HRNR: variants seen among roughly 807,000 people sequenced by gnomAD.
The protein encoded by HRNR is hornerin.
Under a neutral mutation model 4.8 loss-of-function variants are expected in HRNR, and 7 were observed. That is an observed-to-expected ratio of 1.47 (90% CI 0.83 to 2.75). The LOEUF is 2.75. Among genes scored for constraint, HRNR ranks in the 30% most tolerant of loss-of-function variants. The pLI is 0.00. For missense variants in HRNR, 2,879 were observed against 3,010.4 expected (o/e 0.96, Z 1.02); for synonymous variants, 1,023 against 1,242.7 (o/e 0.82, Z 3.72).
Position 152,220,162 on chromosome 1 carries a change from G to T in HRNR, c.1467C>A (p.Ser489=). ...ACCTAGAGCCGTGTTGTCCGTGGCC[G>T]GAGGAGTGACCTGAGCCAGATCCAT... ...TQHGSGSGHS[S]GHGQHGSRSG... is the part of the protein sequence containing the mutation. Residue 489 remains serine (S), a synonymous_variant, in exon 3 of 3, where the codon TCC becomes TCA. Transcript: ENST00000368801. 1 of 1,612,420 alleles carries T rather than the reference G, an allele frequency of 6.2e-7. No homozygotes were observed. Among genetic ancestry groups the T allele is most frequent in the Non-Finnish European group, 8.5e-7 (1 of 1,179,180 alleles).
At position 152,212,895 on chromosome 1, in the gene HRNR, G is replaced by A; in HGVS notation, c.*181C>T. The A allele has an allele frequency of 1.2e-6, 1 of 809,146 alleles. No individual in the cohort carries two copies. The highest frequency in any genetic ancestry group is 1.9e-6 in the Non-Finnish European group (1 of 528,936). The allele number at this position is 809,146 out of a possible 1,614,324, so 50.1% of individuals were successfully genotyped here. Reference sequence around the variant, plus strand: ...TAGCACAAATGCCTAACAGTCTTTGGAAGGAACCCCATAACAAGATATATG... The same window carrying A: ...TAGCACAAATGCCTAACAGTCTTTGAAAGGAACCCCATAACAAGATATATG... On this transcript the variant is annotated 3_prime_UTR_variant, in exon 3 of 3. Coordinates refer to ENST00000368801, the MANE Select transcript of HRNR (RefSeq NM_001009931.3).
rs758627272 is a variant in HRNR, at chr1:152,219,488, C to T, written c.2141G>A (p.Ser714Asn). 13 of 1,612,824 alleles carry T rather than the reference C, an allele frequency of 8.1e-6. No homozygotes were observed. In the South Asian group the frequency reaches 1.1e-4, roughly 14 times the overall value. Residue 714 changes from serine to asparagine, a missense_variant, in exon 3 of 3, where the codon AGT becomes AAT. Ser to Asn is a conservative substitution (Grantham distance 46). Coordinates refer to ENST00000368801, the MANE Select transcript of HRNR (RefSeq NM_001009931.3). ...KSGSGQSSGY[S>N]QHGSGSSHSS... ...GTGACTTGAGCCAGATCCATGCTGA[C>T]TGTAACCAGAGGACTGCCCTGAGCC...
Position 152,218,807 on chromosome 1 carries a change from G to A in HRNR, c.2822C>T (p.Ser941Phe), listed in dbSNP as rs1434223084. ...GFGHKSSSGQ[S>F]SGYTQHGSGS... ...AGATCCATGCTGAGTGTAACCAGAGGACTGCCCTGAGCTAGACTTGTGACC... is the reference window on the plus strand; with the variant it reads ...AGATCCATGCTGAGTGTAACCAGAGAACTGCCCTGAGCTAGACTTGTGACC... The change falls in exon 3 of 3, where the codon TCC (serine) becomes TTC (phenylalanine). Residue 941 changes from serine to phenylalanine, a missense_variant. By Grantham distance (155) the Ser-to-Phe change is radical. Around this residue, in one of 8 missense-constraint regions of HRNR, gnomAD observed 2,646 missense variants for 1,377.7 expected, o/e 1.92. Coordinates refer to ENST00000368801, the MANE Select transcript of HRNR (RefSeq NM_001009931.3). 1.2e-6 allele frequency: 2 copies of A among 1,613,372 alleles called. No homozygotes were observed. Among genetic ancestry groups the A allele is most frequent in the Non-Finnish European group, 8.5e-7 (1 of 1,179,958 alleles).
rs147307281 is a variant in HRNR at position 152,218,671 on chromosome 1, A to G, written c.2958T>C (p.His986=). ...CCAAAGACTGACGGGAGCCAGACCC[A>G]TGCTGACCATAGCTGGAAGACGAAC... ...SSGSSSSYGQ[H]GSGSRQSLGH... Residue 986 remains histidine (H), a synonymous_variant, in exon 3 of 3, where the codon CAT becomes CAC. Transcript: ENST00000368801. 3 of 1,613,536 alleles carry G rather than the reference A, an allele frequency of 1.9e-6. No homozygotes were observed. The highest frequency in any genetic ancestry group is 1.7e-5 in the Admixed American group (1 of 59,980).
At position 152,220,221 on chromosome 1, in the gene HRNR, A is replaced by T. The variant is rs1444520980; in HGVS notation, c.1408T>A (p.Ser470Thr). 2.5e-6 allele frequency: 4 copies of T among 1,613,374 alleles called. No homozygotes were observed. Among genetic ancestry groups the T allele is most frequent in the Non-Finnish European group, 3.4e-6 (4 of 1,179,788 alleles). ...GYSSGFGHHE[S>T]SSEHSSGYTQ... is the part of the protein sequence containing the mutation. ...TAACCAGAGGAATGCTCTGAGCTAG[A>T]CTCGTGGTGACCAAAGCCAGAAGAG... Residue 470 changes from serine to threonine, a missense_variant, in exon 3 of 3, where the codon TCT becomes ACT. Physicochemically the swap from Ser to Thr is moderately conservative, Grantham distance 58. This residue lies in a region of HRNR where 2,646 missense variants were observed against 1,377.7 expected (regional missense o/e 1.92). Transcript: ENST00000368801.
rs147288664 is a variant in HRNR at position 152,220,451 on chromosome 1, C to G, written c.1178G>C (p.Ser393Thr). Reference protein sequence around the residue: ...QASSSGQHGSSSRQSSSYGQH... With the variant: ...QASSSGQHGSTSRQSSSYGQH... ...ACCATAGCTGGAAGACTGACGTGAGCTGGAGCCATGTTGGCCAGAGCTTGA... is the reference window on the plus strand; with the variant it reads ...ACCATAGCTGGAAGACTGACGTGAGGTGGAGCCATGTTGGCCAGAGCTTGA... The change falls in exon 3 of 3, where the codon AGC becomes ACC. Residue 393 changes from serine (S) to threonine (T), a missense_variant. Physicochemically the swap from Ser to Thr is moderately conservative, Grantham distance 58. Transcript: ENST00000368801. The G allele has an allele frequency of 2.3e-3, 3,741 of 1,613,776 alleles. 7 individuals carry two copies. Among genetic ancestry groups the G allele is most frequent in the Non-Finnish European group, 2.3e-3 (2,698 of 1,179,948 alleles).
In HRNR at chr1:152,219,028, A is replaced by G. The variant is rs768929500; in HGVS notation, c.2601T>C (p.Tyr867=). Residue 867 remains tyrosine (Y), a synonymous_variant, in exon 3 of 3, where the codon TAT becomes TAC. Coordinates refer to ENST00000368801, the MANE Select transcript of HRNR (RefSeq NM_001009931.3). ...GATGGGAGGCAGACTCATGCTGACC[A>G]TAGCTGGAAGATTGACCTGAGCTAG... The part of the protein sequence containing the change: ...HDSSSGQSSS[Y]GQHESASHHA... 1.2e-5 allele frequency: 20 copies of G among 1,613,778 alleles called. No individual in the cohort carries two copies. The highest frequency in any genetic ancestry group is 1.7e-5 in the Admixed American group (1 of 59,974).
chr1:152,222,965 C>A, intron 2 of HRNR, 151 bp downstream of exon 2: 13 of 741,790 alleles, frequency 1.8e-5, no homozygotes, highest in Non-Finnish European at 2.6e-5. Context: ...CACGGATCTG[C>A]TTTTGACCTT....
In HRNR at chr1:152,221,264, C is replaced by T. The variant is rs777231150; in HGVS notation, c.365G>A (p.Arg122Gln). Residue 122 changes from arginine (R) to glutamine (Q), a missense_variant, in exon 3 of 3, where the codon CGG (arginine) becomes CAG (glutamine). Arg to Gln is a conservative substitution (Grantham distance 43, BLOSUM62 1). Transcript: ENST00000368801. The stretch of plus-strand genomic sequence containing the variant: ...TGAATGACTAAAAGAGGATTCTTGC[C>T]GTTTGTTCTCCTCTTTTTCAGTTTC... Reference protein sequence around the residue: ...QEETEKEENKRQESSFSHSSW... With the variant: ...QEETEKEENKQQESSFSHSSW... 2.4e-5 allele frequency: 39 copies of T among 1,613,988 alleles called. No individual in the cohort carries two copies. Among genetic ancestry groups the T allele is most frequent in the Admixed American group, 3.3e-5 (2 of 60,006 alleles).
At position 152,219,289 on chromosome 1, in the gene HRNR, T is replaced by A. The variant is rs367826890; in HGVS notation, c.2340A>T (p.Arg780=). Residue 780 remains arginine, a synonymous_variant, in exon 3 of 3, where the codon CGA becomes CGT. Transcript: ENST00000368801. ...SGSGHSPSRV[R]HGSSSGHSSS... ...AGGAGTGCCCTGAACTGGACCCATG[T>A]CGGACACGGCTAGGAGAGTGGCCAG... 1 of 1,610,414 alleles carries A rather than the reference T, an allele frequency of 6.2e-7. No homozygotes were observed. The highest frequency in any genetic ancestry group is 8.5e-7 in the Non-Finnish European group (1 of 1,179,228).
At chr1:152,221,971 G>T (rs1020217043) in intron 2 of HRNR, among the ~76,000 whole-genome samples, 3 of 152,134 alleles carry the variant, frequency 2.0e-5, no homozygotes, top group African/African-American at 7.2e-5. Flanking sequence ...TTAAAGTTTA[G>T]TTGGCCAGAT....
In HRNR at chr1:152,219,135, C is replaced by A. The variant is rs762082150; in HGVS notation, c.2494G>T (p.Gly832Cys). 6.2e-7 allele frequency: 1 copy of A among 1,613,708 alleles called. No homozygotes were observed. ...CTAGAGAAGTGACCTGAGGCAGAAC[C>A]ATGCTGACTATAGCCCTGTCCTGAG... The part of the protein sequence containing the change: ...SGSGQGYSQH[G>C]SASGHFSSQG... Residue 832 changes from glycine to cysteine, a missense_variant, in exon 3 of 3, where the codon GGT becomes TGT. Physicochemically the swap from Gly to Cys is radical, Grantham distance 159. Transcript: ENST00000368801.
chr1:152,219,014 G>C lies in HRNR; in HGVS notation c.2615C>G (p.Ser872Cys), dbSNP rs577992422. 2.5e-6 allele frequency: 4 copies of C among 1,614,042 alleles called. No individual in the cohort carries two copies. The highest frequency in any genetic ancestry group is 2.2e-5 in the East Asian group (1 of 44,882). ...GCGGCCCGAAGCGTGATGGGAGGCA[G>C]ACTCATGCTGACCATAGCTGGAAGA... ...GQSSSYGQHE[S>C]ASHHASGRGR... Residue 872 changes from serine (S) to cysteine (C), a missense_variant, in exon 3 of 3, where the codon TCT (serine) becomes TGT (cysteine). Around this residue, in one of 8 missense-constraint regions of HRNR, gnomAD observed 2,646 missense variants for 1,377.7 expected, o/e 1.92. Coordinates refer to ENST00000368801, the MANE Select transcript of HRNR (RefSeq NM_001009931.3).
Position 152,218,891 on chromosome 1 carries a change from G to A in HRNR, c.2738C>T (p.Ser913Phe), listed in dbSNP as rs1350862222. ...SPSYGRHGSG[S>F]GRSSSSGRHG... ...TCGGCCACTGCTGGAAGACCGACCG[G>A]AGCCAGACCCATGTCGGCCATAGCT... The change falls in exon 3 of 3, where the codon TCC becomes TTC. Residue 913 changes from serine to phenylalanine, a missense_variant. By Grantham distance (155) the Ser-to-Phe change is radical. Around this residue, in one of 8 missense-constraint regions of HRNR, gnomAD observed 2,646 missense variants for 1,377.7 expected, o/e 1.92. Transcript: ENST00000368801. The A allele has an allele frequency of 1.2e-6, 2 of 1,613,942 alleles. No individual in the cohort carries two copies. Among genetic ancestry groups the A allele is most frequent in the Non-Finnish European group, 1.7e-6 (2 of 1,179,972 alleles).
rs755895860 is a variant in HRNR, at chr1:152,219,306, A to T, written c.2323T>A (p.Ser775Thr). 5.6e-6 allele frequency: 9 copies of T among 1,612,616 alleles called. No individual in the cohort carries two copies. The highest frequency in any genetic ancestry group is 7.6e-6 in the Non-Finnish European group (9 of 1,179,824). ...GACCCATGTCGGACACGGCTAGGAG[A>T]GTGGCCAGATCCAGACCCTTGTCGG... is the stretch of plus-strand genomic sequence containing the variant. ...HGRQGSGSGH[S>T]PSRVRHGSSS... is the part of the protein sequence containing the mutation. Residue 775 changes from serine (S) to threonine (T), a missense_variant, in exon 3 of 3, where the codon TCT (serine) becomes ACT (threonine). Around this residue, in one of 8 missense-constraint regions of HRNR, gnomAD observed 2,646 missense variants for 1,377.7 expected, o/e 1.92. Coordinates refer to ENST00000368801, the MANE Select transcript of HRNR (RefSeq NM_001009931.3).
Position 152,219,711 on chromosome 1 carries a change from C to T in HRNR, c.1918G>A (p.Gly640Ser). ...CGAGAAGACTGACTTGAGCCAGAGC[C>T]ATGCTGACCGTGGCTGGAAGACTGA... is the stretch of plus-strand genomic sequence containing the variant. The part of the protein sequence containing the change: ...SGQSSSHGQH[G>S]SGSSQSSRYG... The change falls in exon 3 of 3, where the codon GGC (glycine) becomes AGC (serine). Residue 640 changes from glycine (G) to serine (S), a missense_variant. Gly to Ser is a moderately conservative substitution (Grantham distance 56). Transcript: ENST00000368801. 6.2e-7 allele frequency: 1 copy of T among 1,613,542 alleles called. No homozygotes were observed. The highest frequency in any genetic ancestry group is 1.1e-5 in the South Asian group (1 of 91,066).
chr1:152,220,058 G>A lies in HRNR; in HGVS notation c.1571C>T (p.Ser524Phe). 6.2e-7 allele frequency: 1 copy of A among 1,613,978 alleles called. No individual in the cohort carries two copies. Among genetic ancestry groups the A allele is most frequent in the Non-Finnish European group, 8.5e-7 (1 of 1,179,942 alleles). Residue 524 changes from serine (S) to phenylalanine (F), a missense_variant, in exon 3 of 3, where the codon TCC (serine) becomes TTC (phenylalanine). Around this residue, in one of 8 missense-constraint regions of HRNR, gnomAD observed 2,646 missense variants for 1,377.7 expected, o/e 1.92. Transcript: ENST00000368801. ...TCGGCTGTGTCCCAAAGATTGACGG[G>A]AGCCAGACCCATGCTGACCATAGCT... ...SSSYGQHGSG[S>F]RQSLGHSRHG...
At position 152,213,033 on chromosome 1, in the gene HRNR, T is replaced by A. The variant is rs778329327; in HGVS notation, c.*43A>T. 7 of 1,572,960 alleles carry A rather than the reference T, an allele frequency of 4.5e-6. No homozygotes were observed. Among genetic ancestry groups the A allele is most frequent in the Non-Finnish European group, 6.0e-6 (7 of 1,160,994 alleles). On this transcript the variant is annotated 3_prime_UTR_variant, in exon 3 of 3. Transcript: ENST00000368801. Reference sequence around the variant, plus strand: ...ATGAATTCATAGATGACTTTCCTATTTCTTAAATTGCTACTTGAGTAAATT... The same window carrying A: ...ATGAATTCATAGATGACTTTCCTATATCTTAAATTGCTACTTGAGTAAATT...
chr1:152,218,543 G>A lies in HRNR; in HGVS notation c.3086C>T (p.Ser1029Phe). Reference protein sequence around the residue: ...GQSSSYGPYRSGSGWSSSRGP... With the variant: ...GQSSSYGPYRFGSGWSSSRGP... ...ACGGCTTGAAGACCACCCTGAGCCA[G>A]ACCTATATGGGCCATAGCTGGAAGA... is the stretch of plus-strand genomic sequence containing the variant. The change falls in exon 3 of 3, where the codon TCT (serine) becomes TTT (phenylalanine). Residue 1029 changes from serine to phenylalanine, a missense_variant. Coordinates refer to ENST00000368801, the MANE Select transcript of HRNR (RefSeq NM_001009931.3). 1 of 1,613,878 alleles carries A rather than the reference G, an allele frequency of 6.2e-7. No homozygotes were observed. The highest frequency in any genetic ancestry group is 2.2e-5 in the East Asian group (1 of 44,828).
Sources: gnomAD v4.1 joint callset for allele counts (sites outside exome capture counted in the v4.1 genomes callset) on GRCh38, gnomAD v4.1.1 for gene constraint, gnomAD v4.1.1 regional missense constraint, MANE v1.5 for transcripts, NCBI Gene and HGNC (gene_info 2026-07-23, HGNC 2026-07-21) for gene names.